Variants in MAPKAP1 observed in about 807,000 individuals in gnomAD.
The protein encoded by MAPKAP1 is MAPK associated protein 1.
MAPKAP1 carries 20 observed loss-of-function variants against 65.7 expected under a neutral mutation model. That is an observed-to-expected ratio of 0.30 (90% CI 0.21 to 0.44). MAPKAP1 has a LOEUF of 0.44. Ranked by LOEUF, MAPKAP1 falls within the 20% of genes least tolerant of loss-of-function variation. MAPKAP1 has a pLI of 1.00. For synonymous variants in MAPKAP1, 222 were observed against 244.3 expected, an observed-to-expected ratio of 0.91 and a Z score of 0.85; for missense variants, 423 against 648.0, an observed-to-expected ratio of 0.65 and a Z score of 3.77.
intron 4 of MAPKAP1, among the ~76,000 whole-genome samples, chr9:125,622,941 C>A (rs932193752): frequency 6.6e-6 from 1 of 152,106 alleles, no homozygotes; most frequent in Non-Finnish European, 1.5e-5. Context: ...CGAATGCCTG[C>A]GATTGCAGGC....
chr9:125,656,861 G>C (rs528030583), intron 4 of MAPKAP1, among the ~76,000 whole-genome samples: 1 of 152,294 alleles, frequency 6.6e-6, no homozygotes, highest in South Asian at 2.1e-4. Context: ...GGGGGTTGGG[G>C]AAGGGGTGCT....
At chr9:125,553,314 G>C (rs1261001988) in intron 6 of MAPKAP1, among the ~76,000 whole-genome samples, 1 of 152,196 alleles carries the variant, frequency 6.6e-6, no homozygotes, top group Non-Finnish European at 1.5e-5. Context: ...GGTAGAGGCA[G>C]GCAGATCCCC....
At chr9:125,621,014 T>G (rs1589350423) in intron 4 of MAPKAP1, among the ~76,000 whole-genome samples, 1 of 152,036 alleles carries the variant, frequency 6.6e-6, no homozygotes, top group East Asian at 1.9e-4. Flanking sequence ...GCTGATGCCT[T>G]TAATCCCAGT....
intron 4 of MAPKAP1, among the ~76,000 whole-genome samples, chr9:125,617,262 C>T (rs947314515): frequency 2.0e-5 from 3 of 152,252 alleles, no homozygotes; most frequent in South Asian, 4.1e-4. Context: ...GAATCTGAGA[C>T]CAGCGGAGGC....
At chr9:125,558,190 AAC>A (rs1266865255) in intron 6 of MAPKAP1, among the ~76,000 whole-genome samples, 3 of 152,232 alleles carry the variant, frequency 2.0e-5, no homozygotes, top group Admixed American at 2.0e-4. Context: ...AAGTAAAAAT[AAC>A]ACAAAAATAT....
At chr9:125,618,623 G>C (rs1397925596) in intron 4 of MAPKAP1, among the ~76,000 whole-genome samples, 2 of 152,106 alleles carry the variant, frequency 1.3e-5, no homozygotes, top group Non-Finnish European at 2.9e-5. Flanking sequence ...AGAATACCAA[G>C]TGATTTCAAA....
intron 5 of MAPKAP1, among the ~76,000 whole-genome samples, chr9:125,569,421 A>C (rs1425676082): frequency 2.0e-5 from 3 of 152,164 alleles, no homozygotes; most frequent in Non-Finnish European, 4.4e-5. Context: ...CTAGGAAGTA[A>C]GTCGTTTCTG....
At chr9:125,457,706 T>G (rs950210331) in intron 10 of MAPKAP1, among the ~76,000 whole-genome samples, 1 of 152,246 alleles carries the variant, frequency 6.6e-6, no homozygotes, top group Non-Finnish European at 1.5e-5. Flanking sequence ...CAGTCTTTAG[T>G]CTATGGCTAA....
At chr9:125,467,797 AG>A (rs1301807460) in intron 10 of MAPKAP1, among the ~76,000 whole-genome samples, 174 bp downstream of exon 10, 1 of 152,234 alleles carries the variant, frequency 6.6e-6, no homozygotes, top group African/African-American at 2.4e-5. Context: ...GGCACATGTC[AG>A]GCTCTGGGCA....
intron 10 of MAPKAP1, 65 bp downstream of exon 10, chr9:125,467,907 C>A (rs1470264500): frequency 9.7e-6 from 15 of 1,548,056 alleles, no homozygotes; most frequent in African/African-American, 1.4e-5. Flanking sequence ...CTCCTGGCAC[C>A]CAGCACACAG....
At chr9:125,533,679 C>T (rs1204165438) in intron 7 of MAPKAP1, among the ~76,000 whole-genome samples, 1 of 152,074 alleles carries the variant, frequency 6.6e-6, no homozygotes, top group Non-Finnish European at 1.5e-5. Context: ...TCAAACTCGA[C>T]CTCAGGTGAT....
intron 5 of MAPKAP1, among the ~76,000 whole-genome samples, chr9:125,563,039 G>C (rs1830938863): frequency 6.6e-6 from 1 of 152,206 alleles, no homozygotes. Context: ...GTTAGATTTA[G>C]TTCAACCTCC....
intron 4 of MAPKAP1, among the ~76,000 whole-genome samples, chr9:125,607,386 CA>C (rs1832468643): frequency 6.6e-6 from 1 of 152,190 alleles, no homozygotes; most frequent in South Asian, 2.1e-4. Flanking sequence ...TAATATTTAT[CA>C]AACACTATAG....
At chr9:125,450,175 G>C (rs1852889215) in intron 10 of MAPKAP1, among the ~76,000 whole-genome samples, 1 of 152,126 alleles carries the variant, frequency 6.6e-6, no homozygotes, top group Non-Finnish European at 1.5e-5. Flanking sequence ...ACTGTGGCTG[G>C]CCATGACTGG....
intron 8 of MAPKAP1, among the ~76,000 whole-genome samples, chr9:125,493,633 G>A (rs773729097): frequency 1.1e-4 from 17 of 152,138 alleles, no homozygotes; most frequent in South Asian, 2.1e-4. Flanking sequence ...ACCTTTCCTC[G>A]TTTTCCATTC....
intron 5 of MAPKAP1, among the ~76,000 whole-genome samples, chr9:125,576,115 C>T (rs1309176435): frequency 2.6e-5 from 4 of 152,092 alleles, no homozygotes; most frequent in Admixed American, 6.6e-5. Context: ...AACTAGATGG[C>T]GTTCTGTAAA....
At chr9:125,684,506 C>T (rs745524771) in intron 1 of MAPKAP1, among the ~76,000 whole-genome samples, 8 of 152,128 alleles carry the variant, frequency 5.3e-5, no homozygotes, top group South Asian at 2.1e-4. Flanking sequence ...TCAACTCCCT[C>T]GAAACTGTTT....
At chr9:125,585,277 C>T (rs912256907) in intron 5 of MAPKAP1, among the ~76,000 whole-genome samples, 2 of 152,212 alleles carry the variant, frequency 1.3e-5, no homozygotes, top group Non-Finnish European at 2.9e-5. Context: ...AATCCCCTCC[C>T]GTTCCCTTCC....
intron 9 of MAPKAP1, among the ~76,000 whole-genome samples, chr9:125,476,983 C>T (rs1379978508): frequency 6.6e-6 from 1 of 152,144 alleles, no homozygotes; most frequent in Admixed American, 6.5e-5. Flanking sequence ...GAGACGAAAC[C>T]TTTTTGCCTT....
Sources: gnomAD v4.1 joint callset for allele counts (sites outside exome capture counted in the v4.1 genomes callset) on GRCh38, gnomAD v4.1.1 for gene constraint, MANE v1.5 for transcripts, NCBI Gene and HGNC (gene_info 2026-07-23, HGNC 2026-07-21) for gene names.